Variants in FBXL4 observed in about 807,000 individuals in gnomAD.
FBXL4 encodes the protein F-box and leucine rich repeat protein 4, also known as F-box/LRR-repeat protein 4.
In FBXL4, 40 loss-of-function variants were observed where a neutral mutation model predicts 58.9. The ratio of observed to expected loss-of-function variants is 0.68; its 90% CI spans 0.53 to 0.88. The LOEUF (loss-of-function observed/expected upper bound fraction) is 0.88. FBXL4 is among the 40% of genes least tolerant of loss of function. FBXL4 has a pLI of 0.00. For missense variants in FBXL4, 676 were observed against 734.4 expected, an observed-to-expected ratio of 0.92 and a Z score of 0.92; for synonymous variants, 263 against 265.5, an observed-to-expected ratio of 0.99 and a Z score of 0.09.
In FBXL4 at chr6:98,938,581, C is replaced by T. The variant is rs181086090; in HGVS notation, c.-308-3702G>A. 2.0e-5 allele frequency among the ~76,000 whole-genome samples: 3 copies of T among 152,300 alleles called. No individual in the cohort carries two copies. In the East Asian group the frequency reaches 5.8e-4, roughly 29 times the overall value. On this transcript the variant is annotated intron_variant, in intron 1 of 9. Transcript: ENST00000369244. ...TGTTACATAACGAAAAGACTGATAA[C>T]TGGCATTTACCTTTTCCCTTTAAGG...
intron 6 of FBXL4, among the ~76,000 whole-genome samples, chr6:98,904,562 C>T (rs1015518996): frequency 6.6e-6 from 1 of 152,056 alleles, no homozygotes; most frequent in Admixed American, 6.6e-5. Flanking sequence ...ATTCATAAAC[C>T]ACTGTTGTAG....
In FBXL4 at chr6:98,917,412, C is replaced by G; in HGVS notation, c.820G>C (p.Gly274Arg). The G allele has an allele frequency of 6.2e-7, 1 of 1,611,330 alleles. No homozygotes were observed. Among genetic ancestry groups the G allele is most frequent in the African/African-American group, 1.3e-5 (1 of 74,950 alleles). ...KKFSSAVLGEGPNNGYFDKLP... is the reference protein window; with the variant it reads ...KKFSSAVLGERPNNGYFDKLP... ...TTATCAAAATACCCATTATTTGGCCCTTCCCCGAGGACAGCACTGCTAAAC... is the reference window on the plus strand; with the variant it reads ...TTATCAAAATACCCATTATTTGGCCGTTCCCCGAGGACAGCACTGCTAAAC... The change falls in exon 5 of 10, where the codon GGG becomes CGG. Residue 274 changes from glycine to arginine, a missense_variant. By Grantham distance (125) the Gly-to-Arg change is moderately radical. Coordinates refer to ENST00000369244, the MANE Select transcript of FBXL4 (RefSeq NM_001278716.2).
At position 98,917,514 on chromosome 6, in the gene FBXL4, G is replaced by GTGAA; in HGVS notation, c.714_717dup (p.Leu240PhefsTer4). 6.2e-7 allele frequency: 1 copy of GTGAA among 1,614,040 alleles called. No individual in the cohort carries two copies. The highest frequency in any genetic ancestry group is 8.5e-7 in the Non-Finnish European group (1 of 1,179,928). ...TCTTCTATATCATTCATGTCAATAA[G>GTGAA]TGAAGTCTTGAGAGAAAGCACTGGC... On this transcript the variant is annotated frameshift_variant, in exon 5 of 10. Transcript: ENST00000369244. LOFTEE classifies it high-confidence loss of function.
chr6:98,929,463 C>T (rs1420942178), intron 2 of FBXL4, among the ~76,000 whole-genome samples: 4 of 150,756 alleles, frequency 2.7e-5, no homozygotes, highest in Admixed American at 6.6e-5. Flanking sequence ...CCCAGCTACT[C>T]GGGAGAGTGA....
Position 98,926,961 on chromosome 6 carries a change from C to T in FBXL4, c.28G>A (p.Val10Ile). Residue 10 changes from valine to isoleucine, a missense_variant, in exon 4 of 10, where the codon GTT (valine) becomes ATT (isoleucine). Physicochemically the swap from Val to Ile is conservative, Grantham distance 29 (BLOSUM62 3). Coordinates refer to ENST00000369244, the MANE Select transcript of FBXL4 (RefSeq NM_001278716.2). ...CATATATAATAAAACATGGTCAGAACTGTTAACATGGGAAAGACCGGTGAC... is the reference window on the plus strand; with the variant it reads ...CATATATAATAAAACATGGTCAGAATTGTTAACATGGGAAAGACCGGTGAC... MSPVFPMLTVLTMFYYICLR... is the reference protein window; with the variant it reads MSPVFPMLTILTMFYYICLR... 1 of 1,613,998 alleles carries T rather than the reference C, an allele frequency of 6.2e-7. No individual in the cohort carries two copies. The highest frequency in any genetic ancestry group is 8.5e-7 in the Non-Finnish European group (1 of 1,179,936).
intron 7 of FBXL4, among the ~76,000 whole-genome samples, chr6:98,885,315 T>G (rs1189172428): frequency 1.3e-5 from 2 of 152,226 alleles, no homozygotes; most frequent in Non-Finnish European, 2.9e-5. Flanking sequence ...TTGGCCAGGA[T>G]GGTCTCGACC....
intron 5 of FBXL4, among the ~76,000 whole-genome samples, chr6:98,909,977 T>C (rs1771968721): frequency 6.6e-6 from 1 of 152,238 alleles, no homozygotes; most frequent in Non-Finnish European, 1.5e-5. Context: ...TAGTTACTAT[T>C]ACTCTAAGAC....
At chr6:98,879,759 G>A (rs1411175639) in intron 8 of FBXL4, among the ~76,000 whole-genome samples, 2 of 151,120 alleles carry the variant, frequency 1.3e-5, no homozygotes, top group Non-Finnish European at 3.0e-5. Flanking sequence ...TGACCAATAG[G>A]GTGAAACCCC....
chr6:98,911,319 G>C (rs2128396805), intron 5 of FBXL4, among the ~76,000 whole-genome samples: 1 of 152,324 alleles, frequency 6.6e-6, no homozygotes. Flanking sequence ...CACCTTTGAG[G>C]AGAGCAGTGG....
chr6:98,930,738 C>T (rs1459499629), intron 2 of FBXL4, among the ~76,000 whole-genome samples: 1 of 152,034 alleles, frequency 6.6e-6, no homozygotes, highest in Admixed American at 6.6e-5. Context: ...AGAGCAAGAC[C>T]CCGTCTCAAA....
chr6:98,947,371 AC>A (rs1467600922), intron 1 of FBXL4, among the ~76,000 whole-genome samples: 1 of 152,196 alleles, frequency 6.6e-6, no homozygotes. Context: ...TTAGGCAAAA[AC>A]CATCGGATGT....
At chr6:98,902,181 A>T (rs1397067906) in intron 6 of FBXL4, among the ~76,000 whole-genome samples, 4 of 152,186 alleles carry the variant, frequency 2.6e-5, no homozygotes, top group Non-Finnish European at 5.9e-5. Context: ...AAAAGAGAAG[A>T]ATTAGATATA....
At position 98,907,343 on chromosome 6, in the gene FBXL4, C is replaced by A. The variant is rs532502077; in HGVS notation, c.859-1673G>T. Among the ~76,000 whole-genome samples the A allele has an allele frequency of 5.9e-5, 9 of 152,212 alleles. No individual in the cohort carries two copies. In the South Asian group the frequency reaches 6.2e-4, roughly 11 times the overall value. ...TGTGTTTCAGAAAGATCATTGTGGG[C>A]GTGCTACTGGGAGCAAGGAGGCAGG... On this transcript the variant is annotated intron_variant, in intron 5 of 9. Transcript: ENST00000369244.
At position 98,869,105 on chromosome 6, in the gene FBXL4, T is replaced by C. The variant is rs1283675787; in HGVS notation, c.*5173A>G. 1 of 152,182 alleles carries C rather than the reference T, an allele frequency of 6.6e-6. No homozygotes were observed. Among genetic ancestry groups the C allele is most frequent in the Non-Finnish European group, 1.5e-5 (1 of 68,044 alleles). The allele number at this position is 152,182 out of a possible 1,614,324, so 9.4% of individuals were successfully genotyped here. A position where few individuals can be genotyped will look rare whatever the true frequency, so the allele number is the denominator to read the frequency against. ...CACTCACAGCCTAGGTTTCTAGTAGTATGTTGTCAAAAAAAGCAAATGAGG... is the reference window on the plus strand; with the variant it reads ...CACTCACAGCCTAGGTTTCTAGTAGCATGTTGTCAAAAAAAGCAAATGAGG... On this transcript the variant is annotated 3_prime_UTR_variant, in exon 10 of 10. Transcript: ENST00000369244.
At chr6:98,917,051 T>C (rs1350842754) in intron 5 of FBXL4, among the ~76,000 whole-genome samples, 1 of 152,122 alleles carries the variant, frequency 6.6e-6, no homozygotes, top group Non-Finnish European at 1.5e-5. Context: ...GTTAAGCATG[T>C]ATTGCCCACA....
chr6:98,905,246 G>A (rs1231453991), intron 6 of FBXL4, among the ~76,000 whole-genome samples, 180 bp downstream of exon 6: 1 of 152,188 alleles, frequency 6.6e-6, no homozygotes, highest in Admixed American at 6.5e-5. Flanking sequence ...GAAGAGGATA[G>A]TAAAACACTT....
intron 4 of FBXL4, 93 bp from the exon 5 acceptor site, chr6:98,917,812 T>C: frequency 1.2e-6 from 1 of 826,836 alleles, no homozygotes; most frequent in Non-Finnish European, 1.8e-6. Flanking sequence ...TGTCACAGTG[T>C]GAAACAAAGT....
chr6:98,882,650 C>T (rs1191155408), intron 7 of FBXL4, among the ~76,000 whole-genome samples: 2 of 151,864 alleles, frequency 1.3e-5, no homozygotes, highest in Non-Finnish European at 2.9e-5. Context: ...TTTTGTTTAC[C>T]TCACTACATT....
intron 7 of FBXL4, among the ~76,000 whole-genome samples, chr6:98,889,697 AC>A (rs372283183): frequency 0.14 from 19,556 of 144,662 alleles, 1,480 homozygotes; most frequent in African/African-American, 0.22. Flanking sequence ...AAAAAAAAAA[AC>A]AATGGTTTCA....
Sources: gnomAD v4.1 joint callset for allele counts (sites outside exome capture counted in the v4.1 genomes callset) on GRCh38, gnomAD v4.1.1 for gene constraint, MANE v1.5 for transcripts, NCBI Gene and HGNC (gene_info 2026-07-23, HGNC 2026-07-21) for gene names.